Variants in JAKMIP1 observed in about 807,000 individuals in gnomAD.
The protein encoded by JAKMIP1 is janus kinase and microtubule interacting protein 1.
Under a neutral mutation model 113.0 loss-of-function variants are expected in JAKMIP1, and 33 were observed. The ratio of observed to expected loss-of-function variants is 0.29; its 90% CI spans 0.22 to 0.39. JAKMIP1 has a LOEUF of 0.39. Ranked by LOEUF, JAKMIP1 falls within the 10% of genes least tolerant of loss-of-function variation. The pLI is 1.00. For missense variants in JAKMIP1, 813 were observed against 1,080.5 expected (o/e 0.75, Z 3.47); for synonymous variants, 480 against 459.9 (o/e 1.04, Z -0.56).
At position 6,059,693 on chromosome 4, in the gene JAKMIP1, G is replaced by T. The variant is rs1716992032; in HGVS notation, c.1644+731C>A. On this transcript the variant is annotated intron_variant, in intron 11 of 20. Coordinates refer to ENST00000409021, the MANE Select transcript of JAKMIP1 (RefSeq NM_001099433.2). The surrounding 1 kb of genome is among the most constrained non-coding windows in gnomAD (Gnocchi z 4.8). ...GCCCCCCTCCCTGAATCCCTGAGAG[G>T]CCCTTGGGAGAAACAGGAGTGTGAA... Among the ~76,000 whole-genome samples, 1 of 152,122 alleles carries T rather than the reference G, an allele frequency of 6.6e-6. No homozygotes were observed. The highest frequency in any genetic ancestry group is 2.4e-5 in the African/African-American group (1 of 41,426).
intron 1 of JAKMIP1, among the ~76,000 whole-genome samples, chr4:6,182,415 A>G (rs1455424954): frequency 3.5e-4 from 52 of 148,812 alleles, no homozygotes; most frequent in African/African-American, 1.3e-3. Flanking sequence ...TCTCAGAAAA[A>G]AAAAAAAAAA....
Position 6,065,961 on chromosome 4 carries a change from C to G in JAKMIP1, c.1303-953G>C, listed in dbSNP as rs1004009505. The stretch of plus-strand genomic sequence containing the variant: ...AGACCTCAACCCACAATCACCAGAT[C>G]AATGTCTCTTATTTTAGGAACATAG... On this transcript the variant is annotated intron_variant, in intron 8 of 20. Transcript: ENST00000409021. The surrounding 1 kb of genome is among the most constrained non-coding windows in gnomAD (Gnocchi z 5.1). 2.6e-5 allele frequency among the ~76,000 whole-genome samples: 4 copies of G among 152,330 alleles called. No individual in the cohort carries two copies. In the East Asian group the frequency reaches 7.7e-4, roughly 29 times the overall value.
chr4:6,058,280 A>C (rs1219499531), intron 11 of JAKMIP1, among the ~76,000 whole-genome samples: 1 of 152,250 alleles, frequency 6.6e-6, no homozygotes, highest in Admixed American at 6.5e-5. Context: ...AGTGTTAAAA[A>C]TAATAGTTTC....
rs1325712357 is a variant in JAKMIP1, at chr4:6,181,774, A to C, written c.-148+18479T>G. On this transcript the variant is annotated intron_variant, in intron 1 of 20. Coordinates refer to ENST00000409021, the MANE Select transcript of JAKMIP1 (RefSeq NM_001099433.2). The surrounding 1 kb of genome is among the most constrained non-coding windows in gnomAD (Gnocchi z 5.4). ...TGCCAGACCCTGTGCTGAGCCTCAA[A>C]CATGAATCTCACACAGCCCCTTCCC... is the stretch of plus-strand genomic sequence containing the variant. 6.6e-6 allele frequency among the ~76,000 whole-genome samples: 1 copy of C among 152,134 alleles called. No individual in the cohort carries two copies. The highest frequency in any genetic ancestry group is 1.9e-4 in the East Asian group (1 of 5,186).
intron 9 of JAKMIP1, among the ~76,000 whole-genome samples, chr4:6,063,976 G>A (rs1717685943): frequency 6.6e-6 from 1 of 152,202 alleles, no homozygotes; most frequent in Non-Finnish European, 1.5e-5. Context: ...CCCTGCCGGA[G>A]GGCACTGCCC....
Position 6,089,210 on chromosome 4 carries a change from T to C in JAKMIP1, c.625-3581A>G, listed in dbSNP as rs911512192. 1.3e-5 allele frequency among the ~76,000 whole-genome samples: 2 copies of C among 152,168 alleles called. No individual in the cohort carries two copies. Among genetic ancestry groups the C allele is most frequent in the African/African-American group, 4.8e-5 (2 of 41,432 alleles). ...CAGAGCAGAGCCCAAGAACCTGGGA[T>C]CCTGGATGACATCGTTAGTGCACCT... On this transcript the variant is annotated intron_variant, in intron 3 of 20. Coordinates refer to ENST00000409021, the MANE Select transcript of JAKMIP1 (RefSeq NM_001099433.2). This position sits in a 1 kb window ranked among gnomAD's most constrained non-coding sequence, Gnocchi z 5.3.
chr4:6,042,037 A>G lies in JAKMIP1; in HGVS notation c.2097+122T>C. ...AATTACTTAGAACAACCACTGGGGC[A>G]AAAGCAAAATTGAGAAATGCATGCA... On this transcript the variant is annotated intron_variant, in intron 17 of 20. Transcript: ENST00000409021. This position sits in a 1 kb window ranked among gnomAD's most constrained non-coding sequence, Gnocchi z 5.2. 1.3e-6 allele frequency: 1 copy of G among 791,520 alleles called. No homozygotes were observed. Among genetic ancestry groups the G allele is most frequent in the East Asian group, 2.5e-5 (1 of 39,296 alleles). The allele number at this position is 791,520 out of a possible 1,614,324, so 49.0% of individuals were successfully genotyped here. A position where few individuals can be genotyped will look rare whatever the true frequency, so the allele number is the denominator to read the frequency against.
chr4:6,146,414 C>T (rs1720855555), intron 1 of JAKMIP1, among the ~76,000 whole-genome samples: 1 of 152,066 alleles, frequency 6.6e-6, no homozygotes. Context: ...CACCTCAGAC[C>T]CCAAGTAGTA....
intron 1 of JAKMIP1, among the ~76,000 whole-genome samples, chr4:6,182,567 A>C (rs1179909150): frequency 6.6e-6 from 1 of 152,190 alleles, no homozygotes; most frequent in Non-Finnish European, 1.5e-5. Flanking sequence ...CCATGAACCA[A>C]GTTGTCTGGC....
At chr4:6,026,670 G>A (rs187300174) in intron 20 of JAKMIP1, among the ~76,000 whole-genome samples, 2 of 151,786 alleles carry the variant, frequency 1.3e-5, no homozygotes, top group South Asian at 4.2e-4. Context: ...AAGAGACGGG[G>A]GCGTGATGTG....
In JAKMIP1 at chr4:6,181,987, C is replaced by T. The variant is rs1015631509; in HGVS notation, c.-148+18266G>A. 2.6e-5 allele frequency among the ~76,000 whole-genome samples: 4 copies of T among 152,016 alleles called. No individual in the cohort carries two copies. Among genetic ancestry groups the T allele is most frequent in the Non-Finnish European group, 4.4e-5 (3 of 68,014 alleles). On this transcript the variant is annotated intron_variant, in intron 1 of 20. Coordinates refer to ENST00000409021, the MANE Select transcript of JAKMIP1 (RefSeq NM_001099433.2). The surrounding 1 kb of genome is among the most constrained non-coding windows in gnomAD (Gnocchi z 5.4). ...TCTGGGCAAGTTCAGGGAAAGCAGA[C>T]GATTCAATAAGGTAAGGGACAGTGT...
chr4:6,080,036 G>A lies in JAKMIP1; in HGVS notation c.1242+136C>T, dbSNP rs1242198483. 2.6e-5 allele frequency: 25 copies of A among 952,226 alleles called. No individual in the cohort carries two copies. Among genetic ancestry groups the A allele is most frequent in the Non-Finnish European group, 2.9e-5 (19 of 660,748 alleles). 59.0% of individuals were successfully genotyped at this position (952,226 alleles called of 1,614,324 possible). A position where few individuals can be genotyped will look rare whatever the true frequency, so the allele number is the denominator to read the frequency against. ...ATGTGCACACCAGGGTGAGCTTGGTGAGTCCCAAAGTCAGCACTGCCTGAC... is the reference window on the plus strand; with the variant it reads ...ATGTGCACACCAGGGTGAGCTTGGTAAGTCCCAAAGTCAGCACTGCCTGAC... On this transcript the variant is annotated intron_variant, in intron 7 of 20. Coordinates refer to ENST00000409021, the MANE Select transcript of JAKMIP1 (RefSeq NM_001099433.2). This position sits in a 1 kb window ranked among gnomAD's most constrained non-coding sequence, Gnocchi z 6.0.
intron 1 of JAKMIP1, among the ~76,000 whole-genome samples, chr4:6,124,603 G>A (rs1004358414): frequency 1.3e-5 from 2 of 152,204 alleles, no homozygotes; most frequent in Non-Finnish European, 2.9e-5. Flanking sequence ...AGGGCCATGG[G>A]GAGTGACCCT....
At position 6,093,592 on chromosome 4, in the gene JAKMIP1, T is replaced by G. The variant is rs1722386172; in HGVS notation, c.625-7963A>C. On this transcript the variant is annotated intron_variant, in intron 3 of 20. Transcript: ENST00000409021. This position sits in a 1 kb window ranked among gnomAD's most constrained non-coding sequence, Gnocchi z 4.6. Reference sequence around the variant, plus strand: ...AAAAGACAGCTTCAGAAACAATCACTCAAATTCTTATGCAAAACAGTCACC... The same window carrying G: ...AAAAGACAGCTTCAGAAACAATCACGCAAATTCTTATGCAAAACAGTCACC... Among the ~76,000 whole-genome samples, 1 of 152,136 alleles carries G rather than the reference T, an allele frequency of 6.6e-6. No individual in the cohort carries two copies. The highest frequency in any genetic ancestry group is 2.4e-5 in the African/African-American group (1 of 41,510).
intron 3 of JAKMIP1, among the ~76,000 whole-genome samples, chr4:6,102,129 A>G (rs976645342): frequency 1.3e-5 from 2 of 152,178 alleles, no homozygotes; most frequent in Non-Finnish European, 2.9e-5. Context: ...AGGTATTTGA[A>G]TTTTGTGGTG....
rs1012856305 is a variant in JAKMIP1 at position 6,187,968 on chromosome 4, T to C, written c.-148+12285A>G. 6.6e-6 allele frequency among the ~76,000 whole-genome samples: 1 copy of C among 152,260 alleles called. No homozygotes were observed. Among genetic ancestry groups the C allele is most frequent in the African/African-American group, 2.4e-5 (1 of 41,468 alleles). ...CACTAAATGAATCAGACACCGTGTT[T>C]GCCATGTAAGTCAGGAGCAAGGACT... On this transcript the variant is annotated intron_variant, in intron 1 of 20. Transcript: ENST00000409021. This position sits in a 1 kb window ranked among gnomAD's most constrained non-coding sequence, Gnocchi z 4.2.
At chr4:6,083,360 A>T (rs904152055) in intron 5 of JAKMIP1, among the ~76,000 whole-genome samples, 1 of 151,220 alleles carries the variant, frequency 6.6e-6, no homozygotes, top group Non-Finnish European at 1.5e-5. Context: ...CTGAGATCAC[A>T]TCACCTCACT....
rs1407339501 is a variant in JAKMIP1, at chr4:6,181,918, T to C, written c.-148+18335A>G. 6.6e-6 allele frequency among the ~76,000 whole-genome samples: 1 copy of C among 151,716 alleles called. No homozygotes were observed. The highest frequency in any genetic ancestry group is 1.5e-5 in the Non-Finnish European group (1 of 67,922). On this transcript the variant is annotated intron_variant, in intron 1 of 20. Coordinates refer to ENST00000409021, the MANE Select transcript of JAKMIP1 (RefSeq NM_001099433.2). This position sits in a 1 kb window ranked among gnomAD's most constrained non-coding sequence, Gnocchi z 5.4. The stretch of plus-strand genomic sequence containing the variant: ...CCCGCCCTGGCCTTGGGAGGATGGG[T>C]GATGCCCAAGGAGATGAGCCTGTGC...
At chr4:6,079,859 C>G (rs1440747997) in intron 7 of JAKMIP1, among the ~76,000 whole-genome samples, 2 of 152,232 alleles carry the variant, frequency 1.3e-5, no homozygotes, top group Non-Finnish European at 2.9e-5. Flanking sequence ...CATGCCCAGT[C>G]TCTAAAGGCC....
Sources: allele counts gnomAD v4.1 joint callset (sites outside exome capture counted in the v4.1 genomes callset), GRCh38; gene constraint gnomAD v4.1.1; non-coding constraint Gnocchi (gnomAD v3.1); transcripts MANE v1.5; gene names NCBI Gene and HGNC (gene_info 2026-07-23, HGNC 2026-07-21).